The following PTPRG variants were observed in gnomAD, a reference collection of about 807,000 sequenced individuals.
The protein encoded by PTPRG is receptor-type tyrosine-protein phosphatase gamma.
A neutral mutation model predicts 165.3 loss-of-function variants in PTPRG; 102 were observed. That is an observed-to-expected ratio of 0.62 (90% CI 0.53 to 0.73). The LOEUF (loss-of-function observed/expected upper bound fraction) is 0.73. PTPRG is among the 30% of genes least tolerant of loss of function. PTPRG has a pLI of 0.00. For missense variants in PTPRG, 1,866 were observed against 1,861.4 expected (o/e 1.00, Z -0.05); for synonymous variants, 675 against 669.5 (o/e 1.01, Z -0.13).
intron 4 of PTPRG, among the ~76,000 whole-genome samples, chr3:62,019,168 C>G (rs1273617495): frequency 6.6e-6 from 1 of 152,150 alleles, no homozygotes; most frequent in African/African-American, 2.4e-5. Flanking sequence ...CCTGAGGTCC[C>G]TCTGCGACCT....
chr3:62,056,119 C>T (rs975898904), intron 4 of PTPRG, among the ~76,000 whole-genome samples: 1 of 152,126 alleles, frequency 6.6e-6, no homozygotes, highest in African/African-American at 2.4e-5. Context: ...GAATATTGTA[C>T]GTTTTAAAAT....
intron 7 of PTPRG, among the ~76,000 whole-genome samples, chr3:62,163,084 A>T (rs1043268505): frequency 1.3e-5 from 2 of 152,132 alleles, no homozygotes; most frequent in African/African-American, 2.4e-5. Flanking sequence ...CACACTTTTA[A>T]ACAACCAGAT....
chr3:62,276,106 G>A, intron 24 of PTPRG, 140 bp downstream of exon 24: 2 of 518,104 alleles, frequency 3.9e-6, no homozygotes, highest in Non-Finnish European at 6.5e-6. Flanking sequence ...TTTTGAAAAT[G>A]TCCTTTTAGT....
At chr3:62,022,989 ATAAT>A (rs1252991857) in intron 4 of PTPRG, among the ~76,000 whole-genome samples, 4 of 152,268 alleles carry the variant, frequency 2.6e-5, no homozygotes, top group Middle Eastern at 6.8e-3. Flanking sequence ...TTAAAACAAT[ATAAT>A]TAATACATTC....
At chr3:61,718,178 T>TAAAAC (rs942783417) in intron 1 of PTPRG, among the ~76,000 whole-genome samples, 165 of 67,988 alleles carry the variant, frequency 2.4e-3, no homozygotes, top group African/African-American at 8.8e-3. Flanking sequence ...AGACCCTGTC[T>TAAAAC]AAAACAAAAC....
intron 3 of PTPRG, among the ~76,000 whole-genome samples, chr3:61,992,271 AAG>A (rs1430571333): frequency 6.6e-6 from 1 of 152,164 alleles, no homozygotes; most frequent in African/African-American, 2.4e-5. Flanking sequence ...AATCTCTTGA[AAG>A]AGTTTTAACT....
chr3:61,971,905 G>A (rs192298192), intron 2 of PTPRG, among the ~76,000 whole-genome samples: 59 of 152,346 alleles, frequency 3.9e-4, no homozygotes, highest in Non-Finnish European at 7.1e-4. Context: ...GTGAAACTGC[G>A]TTGTTATTTG....
At chr3:61,782,431 G>A (rs1048957371) in intron 2 of PTPRG, among the ~76,000 whole-genome samples, 3 of 152,202 alleles carry the variant, frequency 2.0e-5, no homozygotes, top group African/African-American at 7.2e-5. Flanking sequence ...AATTGAGTGT[G>A]AACCATCAGC....
intron 2 of PTPRG, among the ~76,000 whole-genome samples, chr3:61,853,016 T>C (rs1268620183): frequency 6.6e-6 from 1 of 152,204 alleles, no homozygotes; most frequent in Non-Finnish European, 1.5e-5. Flanking sequence ...ATTTATTGAA[T>C]GATTTCTTTG....
chr3:61,742,311 G>A, intron 1 of PTPRG: 1 of 576,644 alleles, frequency 1.7e-6, no homozygotes, highest in Middle Eastern at 4.5e-4. Context: ...GAAATTAAAT[G>A]AGGCACGTAG....
At chr3:62,066,050 A>T in intron 4 of PTPRG, among the ~76,000 whole-genome samples, 1 of 152,182 alleles carries the variant, frequency 6.6e-6, no homozygotes, top group East Asian at 1.9e-4. Context: ...TTTTCCAGAT[A>T]AAAGAGCATA....
intron 2 of PTPRG, among the ~76,000 whole-genome samples, chr3:61,960,231 G>T (rs756990534): frequency 6.6e-6 from 1 of 151,850 alleles, no homozygotes; most frequent in African/African-American, 2.4e-5. Flanking sequence ...CTTGGATCTC[G>T]GTGCTTGGTA....
Position 62,281,766 on chromosome 3 carries a change from C to G in PTPRG, c.3912+57C>G, listed in dbSNP as rs1286922774. On this transcript the variant is annotated intron_variant, in intron 27 of 29. Coordinates refer to ENST00000474889, the MANE Select transcript of PTPRG (RefSeq NM_002841.4). ...CATACCTGGGCCCTGGATCATCATT[C>G]TAAGTAATAATGAAATAATTTACCA... 2 of 1,458,576 alleles carry G rather than the reference C, an allele frequency of 1.4e-6. No homozygotes were observed. The highest frequency in any genetic ancestry group is 5.2e-5 in the East Asian group (2 of 38,834). The allele number at this position is 1,458,576 out of a possible 1,614,324, so 90.4% of individuals were successfully genotyped here.
intron 3 of PTPRG, among the ~76,000 whole-genome samples, chr3:61,993,525 A>G (rs372524846): frequency 6.6e-6 from 1 of 152,050 alleles, no homozygotes; most frequent in Admixed American, 6.6e-5. Context: ...GGCCCACTGT[A>G]CTAGTTTTGA....
chr3:61,668,442 T>C (rs1292596922), intron 1 of PTPRG, among the ~76,000 whole-genome samples: 1 of 152,166 alleles, frequency 6.6e-6, no homozygotes, highest in Non-Finnish European at 1.5e-5. Flanking sequence ...TCTTAAACTT[T>C]CTGTTTTTCT....
intron 5 of PTPRG, 29 bp downstream of exon 5, chr3:62,078,287 A>G (rs1701458154): frequency 2.1e-6 from 3 of 1,455,124 alleles, no homozygotes; most frequent in African/African-American, 1.4e-5. Context: ...AAGTACTTCA[A>G]AGAATTCTTT....
chr3:61,943,669 G>C (rs890266504), intron 2 of PTPRG, among the ~76,000 whole-genome samples: 2 of 152,186 alleles, frequency 1.3e-5, no homozygotes, highest in African/African-American at 4.8e-5. Context: ...TAATACAGGG[G>C]AGCTTTTATC....
chr3:61,747,999 G>T (rs1037033622), intron 1 of PTPRG, among the ~76,000 whole-genome samples: 3 of 152,184 alleles, frequency 2.0e-5, no homozygotes, highest in African/African-American at 7.2e-5. Context: ...TGGGAAGAGA[G>T]GGCTTTGAAC....
At chr3:62,124,063 C>A in intron 5 of PTPRG, 1 of 514,560 alleles carries the variant, frequency 1.9e-6, no homozygotes, top group Admixed American at 3.4e-5. Flanking sequence ...AGTTTTCCTT[C>A]CCTTTTTTTT....
Sources: gnomAD v4.1 joint callset for allele counts (sites outside exome capture counted in the v4.1 genomes callset) on GRCh38, gnomAD v4.1.1 for gene constraint, MANE v1.5 for transcripts, NCBI Gene and HGNC (gene_info 2026-07-23, HGNC 2026-07-21) for gene names.